DUOX1: variants seen among roughly 807,000 people sequenced by gnomAD.
DUOX1 encodes dual oxidase 1, also known as NADPH thyroid oxidase 1.
In DUOX1, 134 loss-of-function variants were observed where a neutral mutation model predicts 181.8. The ratio of observed to expected loss-of-function variants is 0.74; its 90% CI spans 0.64 to 0.85. The LOEUF (loss-of-function observed/expected upper bound fraction) is 0.85. Ranked by LOEUF, DUOX1 falls within the 40% of genes least tolerant of loss-of-function variation. The pLI is 0.00. For synonymous variants in DUOX1, 798 were observed against 832.5 expected, an observed-to-expected ratio of 0.96 and a Z score of 0.71; for missense variants, 1,814 against 2,064.4, an observed-to-expected ratio of 0.88 and a Z score of 2.35.
At chr15:45,156,511 C>T (rs1243391669) in intron 28 of DUOX1, among the ~76,000 whole-genome samples, 1 of 152,192 alleles carries the variant, frequency 6.6e-6, no homozygotes, top group East Asian at 1.9e-4. Flanking sequence ...CAACTCACAG[C>T]AACCACCGCC....
intron 18 of DUOX1, among the ~76,000 whole-genome samples, chr15:45,146,683 C>T (rs1896664527): frequency 1.3e-5 from 2 of 152,218 alleles, no homozygotes; most frequent in Admixed American, 1.3e-4. Context: ...CTCTTGCCTC[C>T]AGCCCTAGGC....
chr15:45,152,558 G>GCC (rs1194368934), intron 25 of DUOX1, 42 bp downstream of exon 25: 1 of 1,542,782 alleles, frequency 6.5e-7, no homozygotes, highest in Non-Finnish European at 8.9e-7. Context: ...AGGGCCTCCC[G>GCC]CCCCCGCTGA....
At chr15:45,133,745 T>C (rs1340136774) in intron 2 of DUOX1, 119 bp from the exon 3 acceptor site, 10 of 824,844 alleles carry the variant, frequency 1.2e-5, no homozygotes, top group Admixed American at 2.0e-5. Context: ...CACATCCACT[T>C]CAGGTATCCA....
intron 17 of DUOX1, among the ~76,000 whole-genome samples, chr15:45,144,539 C>T (rs1896598074): frequency 2.0e-5 from 3 of 152,206 alleles, no homozygotes; most frequent in Admixed American, 1.3e-4. Context: ...AGAAGCAAAG[C>T]CCTCTTCCCT....
chr15:45,140,108 C>A, intron 12 of DUOX1: 1 of 1,291,182 alleles, frequency 7.7e-7, no homozygotes, highest in South Asian at 1.1e-5. Context: ...ACAAATTGGT[C>A]AAGGATGATG....
chr15:45,156,068 T>C, intron 28 of DUOX1, 139 bp downstream of exon 28: 1 of 1,226,864 alleles, frequency 8.2e-7, no homozygotes, highest in African/African-American at 1.5e-5. Context: ...TCTTTGAAGG[T>C]GGAGATGATA....
chr15:45,160,902 A>C lies in DUOX1; in HGVS notation c.3768A>C (p.Pro1256=). Residue 1256 remains proline (P), a synonymous_variant, in exon 29 of 34, where the codon CCA becomes CCC. Transcript: ENST00000389037. ...GTTTCCACATCTTCTTCCTGGTCCC[A>C]GCAATCATCTATGGGGGCGACAAGC... ...LPRFHIFFLV[P]AIIYGGDKLV... 1 of 1,613,948 alleles carries C rather than the reference A, an allele frequency of 6.2e-7. No homozygotes were observed. The highest frequency in any genetic ancestry group is 2.2e-5 in the East Asian group (1 of 44,874).
chr15:45,137,185 TAA>T lies in DUOX1; in HGVS notation c.1022+584_1022+585del, dbSNP rs35442034. Among the ~76,000 whole-genome samples the T allele has an allele frequency of 3.3e-3, 273 of 81,916 alleles. 2 individuals are homozygous for T. In the South Asian group the frequency reaches 0.038, roughly 11 times the overall value. The allele number at this position is 81,916 out of a possible 152,430, so 53.7% of individuals were successfully genotyped here. On this transcript the variant is annotated intron_variant, in intron 9 of 33. Transcript: ENST00000389037. ...CAACATGCAGAAACCTCGTCTCTAC[TAA>T]AAAAAAAAAAAAAAAAAAAAAAATT...
chr15:45,165,079 A>C lies in DUOX1; in HGVS notation c.*178A>C. ...GGGCTCAGGGACCCCCAGGACCAGGATGTGTCTCAGCCTGGAGAAATGGTG... is the reference window on the plus strand; with the variant it reads ...GGGCTCAGGGACCCCCAGGACCAGGCTGTGTCTCAGCCTGGAGAAATGGTG... On this transcript the variant is annotated 3_prime_UTR_variant, in exon 34 of 34. Coordinates refer to ENST00000389037, the MANE Select transcript of DUOX1 (RefSeq NM_175940.3). 1 of 649,448 alleles carries C rather than the reference A, an allele frequency of 1.5e-6. No individual in the cohort carries two copies. The highest frequency in any genetic ancestry group is 2.6e-6 in the Non-Finnish European group (1 of 378,840). The allele number at this position is 649,448 out of a possible 1,614,324, so 40.2% of individuals were successfully genotyped here. A position where few individuals can be genotyped will look rare whatever the true frequency, so the allele number is the denominator to read the frequency against.
At chr15:45,160,025 G>GCA (rs1897058795) in intron 28 of DUOX1, among the ~76,000 whole-genome samples, 1 of 152,136 alleles carries the variant, frequency 6.6e-6, no homozygotes, top group African/African-American at 2.4e-5. Flanking sequence ...GGTGGCAGGT[G>GCA]CCTGTAATCC....
Position 45,153,473 on chromosome 15 carries a change from A to C in DUOX1, c.3518A>C (p.Asp1173Ala), listed in dbSNP as rs1228774776. 6.2e-7 allele frequency: 1 copy of C among 1,608,238 alleles called. No individual in the cohort carries two copies. The highest frequency in any genetic ancestry group is 1.4e-5 in the African/African-American group (1 of 73,126). Residue 1173 changes from aspartate (D) to alanine (A), a missense_variant, in exon 26 of 34, where the codon GAT becomes GCT. Transcript: ENST00000389037. ...TGCCTCTTTCCTGGCCTCTTCCATG[A>C]TGATGGGTGAGTAAGTGCGAATGTG... ...LSCLFPGLFH[D>A]DGSELPQKYY...
intron 25 of DUOX1, chr15:45,153,095 C>G (rs1400047120): frequency 5.2e-6 from 2 of 387,326 alleles, no homozygotes; most frequent in African/African-American, 2.0e-5. Context: ...GTGGCACATG[C>G]CGGTAATCCC....
Position 45,153,953 on chromosome 15 carries a change from C to G in DUOX1, c.3527C>G (p.Ser1176Cys), listed in dbSNP as rs752992793. Reference sequence around the variant, plus strand: ...TCTTTGCTGTCCCTTCCACACAGGTCTGAGCTCCCCCAGAAGTATTACTGG... The same window carrying G: ...TCTTTGCTGTCCCTTCCACACAGGTGTGAGCTCCCCCAGAAGTATTACTGG... ...LFPGLFHDDG[S>C]ELPQKYYWWF... is the part of the protein sequence containing the mutation. Residue 1176 changes from serine to cysteine, a missense_variant and splice_region_variant, in exon 27 of 34, where the codon TCT (serine) becomes TGT (cysteine). Ser to Cys is a moderately radical substitution (Grantham distance 112, BLOSUM62 -1). Around this residue, in one of 5 missense-constraint regions of DUOX1, gnomAD observed 279 missense variants for 381.9 expected, o/e 0.73. Transcript: ENST00000389037. 6.2e-7 allele frequency: 1 copy of G among 1,612,572 alleles called. No individual in the cohort carries two copies. The highest frequency in any genetic ancestry group is 8.5e-7 in the Non-Finnish European group (1 of 1,178,938).
chr15:45,135,642 G>C lies in DUOX1; in HGVS notation c.664G>C (p.Ala222Pro). The C allele has an allele frequency of 6.5e-7, 1 of 1,538,600 alleles. No individual in the cohort carries two copies. The highest frequency in any genetic ancestry group is 8.8e-7 in the Non-Finnish European group (1 of 1,142,530). Residue 222 changes from alanine (A) to proline (P), a missense_variant, in exon 6 of 34, where the codon GCC (alanine) becomes CCC (proline). Physicochemically the swap from Ala to Pro is conservative, Grantham distance 27 (BLOSUM62 -1). This residue lies in a region of DUOX1 where 320 missense variants were observed against 313.1 expected (regional missense o/e 1.02). Coordinates refer to ENST00000389037, the MANE Select transcript of DUOX1 (RefSeq NM_175940.3). ...PLLMWAAPDPATGQNGPRGLY... is the reference protein window; with the variant it reads ...PLLMWAAPDPPTGQNGPRGLY... ...GCTCATGTGGGCGGCGCCCGACCCC[G>C]CCACCGGGCAGAACGGGCCCCGGGG...
intron 29 of DUOX1, among the ~76,000 whole-genome samples, chr15:45,161,415 C>CAAAAAAAA (rs35506541): frequency 4.1e-5 from 2 of 48,198 alleles, no homozygotes; most frequent in Admixed American, 3.0e-4. Context: ...GAGACTGTGT[C>CAAAAAAAA]AAAAAAAAAA....
rs780626098 is a variant in DUOX1 at position 45,143,304 on chromosome 15, G to A, written c.1936+1G>A. The stretch of plus-strand genomic sequence containing the variant: ...GAGAAGCTCGTGGGAGGCATGGAAG[G>A]TAGGTCTAGGGCTGGCCAGGGTGGT... On this transcript the variant is annotated splice_donor_variant, in intron 16 of 33. Transcript: ENST00000389037. LOFTEE classifies it high-confidence loss of function. 1 of 1,613,284 alleles carries A rather than the reference G, an allele frequency of 6.2e-7. No homozygotes were observed. Among genetic ancestry groups the A allele is most frequent in the Non-Finnish European group, 8.5e-7 (1 of 1,179,378 alleles).
At chr15:45,161,415 CAAAAAAAAAAAA>C (rs35506541) in intron 29 of DUOX1, among the ~76,000 whole-genome samples, 2 of 48,204 alleles carry the variant, frequency 4.1e-5, no homozygotes, top group East Asian at 4.7e-4. Flanking sequence ...GAGACTGTGT[CAAAAAAAAAAAA>C]AAAAAAAAAA....
At chr15:45,157,135 C>G (rs2141298978) in intron 28 of DUOX1, among the ~76,000 whole-genome samples, 1 of 152,372 alleles carries the variant, frequency 6.6e-6, no homozygotes, top group African/African-American at 2.4e-5. Flanking sequence ...TCCTCACTGA[C>G]AGATAGGAGG....
intron 27 of DUOX1, 114 bp from the exon 28 acceptor site, chr15:45,155,688 G>A: frequency 6.9e-7 from 1 of 1,458,916 alleles, no homozygotes; most frequent in South Asian, 1.2e-5. Flanking sequence ...GAGAATGCTG[G>A]GACATTCTTA....
Sources: gnomAD v4.1 joint callset for allele counts (sites outside exome capture counted in the v4.1 genomes callset) on GRCh38, gnomAD v4.1.1 for gene constraint, gnomAD v4.1.1 regional missense constraint, MANE v1.5 for transcripts, NCBI Gene and HGNC (gene_info 2026-07-23, HGNC 2026-07-21) for gene names.